Variants in ADSS1 observed in about 807,000 individuals in gnomAD.
The protein encoded by ADSS1 is adenylosuccinate synthetase isozyme 1.
In ADSS1, 57 loss-of-function variants were observed where a neutral mutation model predicts 59.1. The ratio of observed to expected loss-of-function variants is 0.97; its 90% CI spans 0.78 to 1.20. The LOEUF (loss-of-function observed/expected upper bound fraction) is 1.20, where lower values mean the gene tolerates loss of function less well. ADSS1 is among the 50% of genes most tolerant of loss of function. The pLI, the probability that ADSS1 is intolerant of heterozygous loss-of-function variation, is 0.00. For synonymous variants in ADSS1, 247 were observed against 249.4 expected (o/e 0.99, Z 0.09); for missense variants, 603 against 610.3 (o/e 0.99, Z 0.13).
In ADSS1 at chr14:104,740,954, A is replaced by C. The variant is rs750139746; in HGVS notation, c.666+34A>C. On this transcript the variant is annotated intron_variant, in intron 7 of 12. Coordinates refer to ENST00000330877, the MANE Select transcript of ADSS1 (RefSeq NM_152328.5). This position sits in a 1 kb window ranked among gnomAD's most constrained non-coding sequence, Gnocchi z 4.8. ...GGGGCCGCAGTGTGGGGGCTGCGGA[A>C]GTGCTCCTCCAGGGAGGCTGGATGT... 6.2e-7 allele frequency: 1 copy of C among 1,613,296 alleles called. No homozygotes were observed. The highest frequency in any genetic ancestry group is 8.5e-7 in the Non-Finnish European group (1 of 1,179,558).
chr14:104,724,660 G>T (rs1007943876), intron 1 of ADSS1, among the ~76,000 whole-genome samples, 198 bp downstream of exon 1: 5 of 151,528 alleles, frequency 3.3e-5, no homozygotes, highest in African/African-American at 1.2e-4. Flanking sequence ...CACACACACC[G>T]CCCTCCTTCC....
chr14:104,729,316 G>C (rs1202459844), intron 1 of ADSS1, among the ~76,000 whole-genome samples: 1 of 152,190 alleles, frequency 6.6e-6, no homozygotes, highest in South Asian at 2.1e-4. Flanking sequence ...TTAGGGACGG[G>C]GTGGACAGGA....
At chr14:104,742,274 G>A (rs536842043) in intron 9 of ADSS1, among the ~76,000 whole-genome samples, 7 of 152,388 alleles carry the variant, frequency 4.6e-5, no homozygotes, top group East Asian at 1.9e-4. Context: ...CTCGGAGTGT[G>A]TGAGGCCCAC....
At chr14:104,741,378 G>T in intron 8 of ADSS1, 135 bp downstream of exon 8, 1 of 1,199,816 alleles carries the variant, frequency 8.3e-7, no homozygotes, top group Non-Finnish European at 1.1e-6. Context: ...ATCCATGCCC[G>T]CGGAAATGAT....
rs138159536 is a variant in ADSS1, at chr14:104,733,145, AC to A, written c.193-1873del. On this transcript the variant is annotated intron_variant, in intron 1 of 12. Transcript: ENST00000330877. ...CCACAAGGCCTCCAGGTGCCCTCAG[AC>A]CACCCTCCCTCCTGCCACCAGGCTT... Among the ~76,000 whole-genome samples the A allele has an allele frequency of 3.8e-3, 581 of 151,898 alleles. 5 individuals are homozygous for A. The highest frequency in any genetic ancestry group is 0.014 in the African/African-American group (563 of 41,420).
chr14:104,738,402 G>A lies in ADSS1; in HGVS notation c.322G>A (p.Gly108Ser), dbSNP rs775702433. The A allele has an allele frequency of 1.9e-6, 3 of 1,614,052 alleles. No individual in the cohort carries two copies. Among genetic ancestry groups the A allele is most frequent in the Non-Finnish European group, 1.7e-6 (2 of 1,179,922 alleles). Residue 108 changes from glycine to serine, a missense_variant, in exon 3 of 13, where the codon GGC (glycine) becomes AGC (serine). Physicochemically the swap from Gly to Ser is moderately conservative, Grantham distance 56. Coordinates refer to ENST00000330877, the MANE Select transcript of ADSS1 (RefSeq NM_152328.5). The part of the protein sequence containing the change: ...IGNGVVIHLP[G>S]LFEEAEKNEK... ...CAACGGGGTGGTCATCCACTTGCCA[G>A]GCTTGTTTGAGGAAGCAGAGAAGAA...
rs373108348 is a variant in ADSS1 at position 104,746,373 on chromosome 14, G to A, written c.1309G>A (p.Val437Met). 2.2e-5 allele frequency: 36 copies of A among 1,611,824 alleles called. No individual in the cohort carries two copies. In the Admixed American group the frequency reaches 2.3e-4, roughly 10 times the overall value. Residue 437 changes from valine to methionine, a missense_variant, in exon 12 of 13, where the codon GTG becomes ATG. Physicochemically the swap from Val to Met is conservative, Grantham distance 21 (BLOSUM62 1). Transcript: ENST00000330877. ...CTACATCCGCTTTGTGGAGAATCAC[G>A]TGGGAGTCGCAGGTGGGTGCCCTGC... ...QNYIRFVENH[V>M]GVAVKWVGVG...
intron 1 of ADSS1, among the ~76,000 whole-genome samples, chr14:104,731,590 G>A (rs1890933255): frequency 6.6e-6 from 1 of 152,198 alleles, no homozygotes; most frequent in South Asian, 2.1e-4. Context: ...AGGTGCCTCA[G>A]CTCTGCTTTC....
At chr14:104,745,002 CCA>C (rs1891504889) in intron 11 of ADSS1, 93 bp downstream of exon 11, 1 of 1,112,328 alleles carries the variant, frequency 9.0e-7, no homozygotes, top group African/African-American at 1.5e-5. Context: ...GGGTGAGTTC[CCA>C]CGTTCACAGG....
intron 9 of ADSS1, 126 bp from the exon 10 acceptor site, chr14:104,742,941 G>C (rs747416445): frequency 7.2e-7 from 1 of 1,393,308 alleles, no homozygotes; most frequent in Non-Finnish European, 9.9e-7. Flanking sequence ...TGTAAGGACT[G>C]TCGGTGGAGG....
At chr14:104,728,077 G>C (rs996265603) in intron 1 of ADSS1, among the ~76,000 whole-genome samples, 1 of 152,244 alleles carries the variant, frequency 6.6e-6, no homozygotes, top group East Asian at 1.9e-4. Context: ...GTGTTTCTCT[G>C]TGGTGTGGCA....
At chr14:104,730,760 G>A (rs917124509) in intron 1 of ADSS1, among the ~76,000 whole-genome samples, 2 of 152,074 alleles carry the variant, frequency 1.3e-5, no homozygotes, top group South Asian at 2.1e-4. Flanking sequence ...CCACAGGGCC[G>A]TGCCTTCCCT....
intron 10 of ADSS1, 46 bp from the exon 11 acceptor site, chr14:104,744,766 C>G (rs1429638630): frequency 3.1e-6 from 5 of 1,589,564 alleles, no homozygotes; most frequent in Non-Finnish European, 4.3e-6. Flanking sequence ...AACCCCAGCA[C>G]TGCTGACCAC....
In ADSS1 at chr14:104,744,914, G is replaced by A. The variant is rs1891500521; in HGVS notation, c.1171+5G>A. The A allele has an allele frequency of 6.2e-7, 1 of 1,613,614 alleles. No individual in the cohort carries two copies. Among genetic ancestry groups the A allele is most frequent in the African/African-American group, 1.3e-5 (1 of 74,938 alleles). On this transcript the variant is annotated splice_donor_5th_base_variant and intron_variant, in intron 11 of 12. Transcript: ENST00000330877. The stretch of plus-strand genomic sequence containing the variant: ...AAAGGATTCCCTATTTCCCAGGTAT[G>A]TGAAGTGGGGCAACCGTTCTGCCTG...
chr14:104,739,788 G>T lies in ADSS1; in HGVS notation c.448G>T (p.Val150Leu), dbSNP rs1891270043. 1 of 1,613,838 alleles carries T rather than the reference G, an allele frequency of 6.2e-7. No individual in the cohort carries two copies. The change falls in exon 5 of 13, where the codon GTG becomes TTG. Residue 150 changes from valine to leucine, a missense_variant. Physicochemically the swap from Val to Leu is conservative, Grantham distance 32. Transcript: ENST00000330877. ...FHQAVDGLQE[V>L]QRQAQEGKNI... ...CCAGGCTGTCGACGGACTTCAGGAA[G>T]TGCAGCGCCAGGCACAAGAGGGGAA...
At chr14:104,725,916 C>T (rs1416790092) in intron 1 of ADSS1, among the ~76,000 whole-genome samples, 1 of 152,250 alleles carries the variant, frequency 6.6e-6, no homozygotes, top group East Asian at 1.9e-4. Flanking sequence ...CTGTACACAG[C>T]ATTCACCTGG....
chr14:104,742,378 C>T (rs1228127609), intron 9 of ADSS1, among the ~76,000 whole-genome samples: 2 of 152,276 alleles, frequency 1.3e-5, no homozygotes, highest in African/African-American at 2.4e-5. Flanking sequence ...TAAGCATCTT[C>T]CCTCAGCCTT....
rs551502318 is a variant in ADSS1, at chr14:104,740,994, G to T, written c.666+74G>T. 78 of 1,607,702 alleles carry T rather than the reference G, an allele frequency of 4.9e-5. No individual in the cohort carries two copies. The highest frequency in any genetic ancestry group is 6.0e-5 in the Non-Finnish European group (71 of 1,175,342). ...AGGCTGGATGTCCTACCTGGTGCTC[G>T]TTGAACACCCTTGGGGCACACCTGA... On this transcript the variant is annotated intron_variant, in intron 7 of 12. Transcript: ENST00000330877. The surrounding 1 kb of genome is among the most constrained non-coding windows in gnomAD (Gnocchi z 4.8).
rs1480614345 is a variant in ADSS1, at chr14:104,735,119, A to C, written c.292A>C (p.Ile98Leu). Residue 98 changes from isoleucine to leucine, a missense_variant, in exon 2 of 13, where the codon ATT becomes CTT. Ile to Leu is a conservative substitution (Grantham distance 5). Coordinates refer to ENST00000330877, the MANE Select transcript of ADSS1 (RefSeq NM_152328.5). The stretch of plus-strand genomic sequence containing the variant: ...CATCAACACCAAGGCCGTGTCCTTC[A>C]TTGGTGAGTGCCCTGCCCCGACCTG... ...GIINTKAVSFIGNGVVIHLPG... is the reference protein window; with the variant it reads ...GIINTKAVSFLGNGVVIHLPG... The C allele has an allele frequency of 6.2e-7, 1 of 1,608,232 alleles. No individual in the cohort carries two copies. The highest frequency in any genetic ancestry group is 8.5e-7 in the Non-Finnish European group (1 of 1,176,622).
Sources: gnomAD v4.1 joint callset for allele counts (sites outside exome capture counted in the v4.1 genomes callset) on GRCh38, gnomAD v4.1.1 for gene constraint, Gnocchi (gnomAD v3.1) non-coding constraint, MANE v1.5 for transcripts, NCBI Gene and HGNC (gene_info 2026-07-23, HGNC 2026-07-21) for gene names.